Variants in CNTNAP2 observed in about 807,000 individuals in gnomAD.
The protein encoded by CNTNAP2 is contactin associated protein 2, also known as contactin-associated protein-like 2.
In CNTNAP2, 98 loss-of-function variants were observed where a neutral mutation model predicts 155.2. The ratio of observed to expected loss-of-function variants is 0.63; its 90% CI spans 0.54 to 0.75. The LOEUF (loss-of-function observed/expected upper bound fraction) is 0.75, where lower values mean the gene tolerates loss of function less well. Among genes scored for constraint, CNTNAP2 ranks in the 30% least tolerant of loss-of-function variants. The pLI is 0.00. For synonymous variants in CNTNAP2, 651 were observed against 631.2 expected, an observed-to-expected ratio of 1.03 and a Z score of -0.47; for missense variants, 1,727 against 1,688.1, an observed-to-expected ratio of 1.02 and a Z score of -0.40.
intron 10 of CNTNAP2, among the ~76,000 whole-genome samples, chr7:147,434,622 T>A (rs1797522089): frequency 6.6e-6 from 1 of 152,242 alleles, no homozygotes; most frequent in African/African-American, 2.4e-5. Context: ...CTGCATATAA[T>A]TGATTTGCCT....
At chr7:146,754,580 T>C (rs1035565215) in intron 1 of CNTNAP2, among the ~76,000 whole-genome samples, 1 of 126,346 alleles carries the variant, frequency 7.9e-6, no homozygotes, top group Non-Finnish European at 1.7e-5. Context: ...CTCTCTCTCT[T>C]TTTAACTGAA....
intron 1 of CNTNAP2, among the ~76,000 whole-genome samples, chr7:146,698,809 A>G (rs1349078402): frequency 6.6e-6 from 1 of 152,016 alleles, no homozygotes; most frequent in Admixed American, 6.6e-5. Flanking sequence ...GTGCTCTTCC[A>G]TATTTTTCAT....
intron 12 of CNTNAP2, among the ~76,000 whole-genome samples, chr7:147,581,685 T>C (rs1800502649): frequency 6.6e-6 from 1 of 152,184 alleles, no homozygotes; most frequent in Non-Finnish European, 1.5e-5. Flanking sequence ...CCAAATCTGG[T>C]GATTAGTCAT....
chr7:147,399,769 G>GT (rs1796881363), intron 10 of CNTNAP2, among the ~76,000 whole-genome samples: 1 of 152,112 alleles, frequency 6.6e-6, no homozygotes, highest in Non-Finnish European at 1.5e-5. Context: ...AATCCCTTTT[G>GT]TTTAACTCTT....
At chr7:147,290,428 T>C (rs1309178446) in intron 8 of CNTNAP2, among the ~76,000 whole-genome samples, 2 of 152,116 alleles carry the variant, frequency 1.3e-5, no homozygotes, top group African/African-American at 4.8e-5. Flanking sequence ...ACTCCTGTAA[T>C]CCAGCACTTT....
chr7:147,275,039 C>A (rs1280993997), intron 8 of CNTNAP2, among the ~76,000 whole-genome samples: 1 of 152,060 alleles, frequency 6.6e-6, no homozygotes, highest in Non-Finnish European at 1.5e-5. Context: ...TATACCAATA[C>A]CATGCTGTTT....
intron 12 of CNTNAP2, among the ~76,000 whole-genome samples, chr7:147,634,009 A>G (rs993830877): frequency 2.0e-5 from 3 of 152,208 alleles, no homozygotes; most frequent in African/African-American, 7.2e-5. Flanking sequence ...GCTGGTGGGA[A>G]TATAAGCTAG....
At chr7:147,851,631 A>G (rs549671673) in intron 13 of CNTNAP2, among the ~76,000 whole-genome samples, 1 of 152,216 alleles carries the variant, frequency 6.6e-6, no homozygotes, top group South Asian at 2.1e-4. Flanking sequence ...GAAGCTGGAA[A>G]CCATCATTCT....
intron 3 of CNTNAP2, among the ~76,000 whole-genome samples, chr7:146,917,158 T>G (rs1488532419): frequency 6.6e-6 from 1 of 152,172 alleles, no homozygotes; most frequent in Non-Finnish European, 1.5e-5. Context: ...GATTTCAAAT[T>G]TTATTCCACT....
At chr7:148,324,009 G>A (rs540083779) in intron 21 of CNTNAP2, among the ~76,000 whole-genome samples, 169 of 150,852 alleles carry the variant, frequency 1.1e-3, no homozygotes, top group African/African-American at 3.7e-3. Context: ...TCAGCCTCCC[G>A]AGTAGCTGGG....
At chr7:147,017,872 G>C (rs923336887) in intron 3 of CNTNAP2, among the ~76,000 whole-genome samples, 12 of 152,056 alleles carry the variant, frequency 7.9e-5, no homozygotes, top group Non-Finnish European at 1.8e-4. Flanking sequence ...TTGAGATAAG[G>C]TTACTTCAAT....
chr7:146,600,270 G>A (rs150273940), intron 1 of CNTNAP2, among the ~76,000 whole-genome samples: 8 of 152,114 alleles, frequency 5.3e-5, no homozygotes, highest in Non-Finnish European at 7.4e-5. Context: ...TACAACTCAC[G>A]TACTGCAAAT....
intron 9 of CNTNAP2, among the ~76,000 whole-genome samples, chr7:147,332,387 G>T (rs928505633): frequency 1.3e-5 from 2 of 152,110 alleles, no homozygotes; most frequent in African/African-American, 4.8e-5. Flanking sequence ...CACATTTTCA[G>T]AAAGGAAGGC....
chr7:147,729,245 C>T (rs951421408), intron 13 of CNTNAP2, among the ~76,000 whole-genome samples: 1 of 151,510 alleles, frequency 6.6e-6, no homozygotes, highest in Admixed American at 6.6e-5. Context: ...AGGAAGAATG[C>T]GTATTAAAGG....
rs57139075 is a variant in CNTNAP2 at position 147,861,999 on chromosome 7, C to CAAAAAAA, written c.2099-41548_2099-41542dup. ...GGCAATAGAGTGAAACTCCATCTCA[C>CAAAAAAA]AAAAAAAAAAAAAAAAAAAAAAAAT... On this transcript the variant is annotated intron_variant, in intron 13 of 23. Coordinates refer to ENST00000361727, the MANE Select transcript of CNTNAP2 (RefSeq NM_014141.6). Among the ~76,000 whole-genome samples, 166 of 94,858 alleles carry CAAAAAAA rather than the reference C, an allele frequency of 1.7e-3. 1 individual carries two copies. The highest frequency in any genetic ancestry group is 3.0e-3 in the South Asian group (8 of 2,642). The allele number at this position is 94,858 out of a possible 152,430, so 62.2% of individuals were successfully genotyped here. A position where few individuals can be genotyped will look rare whatever the true frequency, so the allele number is the denominator to read the frequency against.
chr7:146,429,053 T>C (rs1034515204), intron 1 of CNTNAP2, among the ~76,000 whole-genome samples: 1 of 152,166 alleles, frequency 6.6e-6, no homozygotes, highest in African/African-American at 2.4e-5. Flanking sequence ...GTCACATTTC[T>C]GAGTTCTCTA....
chr7:146,387,065 C>G (rs1795471740), intron 1 of CNTNAP2, among the ~76,000 whole-genome samples: 1 of 152,180 alleles, frequency 6.6e-6, no homozygotes, highest in African/African-American at 2.4e-5. Context: ...CTATAAAAAG[C>G]ACTCCCAAGT....
At chr7:146,639,288 C>T (rs1799664997) in intron 1 of CNTNAP2, among the ~76,000 whole-genome samples, 1 of 152,176 alleles carries the variant, frequency 6.6e-6, no homozygotes, top group Non-Finnish European at 1.5e-5. Flanking sequence ...AGCTGAAGCA[C>T]ATTACCGGAA....
rs573005239 is a variant in CNTNAP2, at chr7:147,822,289, G to A, written c.2099-81276G>A. Among the ~76,000 whole-genome samples, 9 of 152,256 alleles carry A rather than the reference G, an allele frequency of 5.9e-5. No individual in the cohort carries two copies. The South Asian group carries it at 1.9e-3, about 32-fold the overall frequency. Reference sequence around the variant, plus strand: ...ACTCTTTCAAGTGCTCTATGTAACCGTAGATACATGGAGATGTTGTGTATA... The same window carrying A: ...ACTCTTTCAAGTGCTCTATGTAACCATAGATACATGGAGATGTTGTGTATA... On this transcript the variant is annotated intron_variant, in intron 13 of 23. Transcript: ENST00000361727.
Sources: gnomAD v4.1 joint callset for allele counts (sites outside exome capture counted in the v4.1 genomes callset) on GRCh38, gnomAD v4.1.1 for gene constraint, MANE v1.5 for transcripts, NCBI Gene and HGNC (gene_info 2026-07-23, HGNC 2026-07-21) for gene names.